The following MKLN1 variants were observed in gnomAD, a reference collection of about 807,000 sequenced individuals.
MKLN1 encodes muskelin.
A neutral mutation model predicts 99.0 loss-of-function variants in MKLN1; 18 were observed. The ratio of observed to expected loss-of-function variants is 0.18; its 90% CI spans 0.13 to 0.27. MKLN1 has a LOEUF of 0.27. Ranked by LOEUF, MKLN1 falls within the 10% of genes least tolerant of loss-of-function variation. MKLN1 has a pLI of 1.00. For synonymous variants in MKLN1, 288 were observed against 293.2 expected (o/e 0.98, Z 0.18); for missense variants, 621 against 875.9 (o/e 0.71, Z 3.67).
chr7:131,422,250 CA>C (rs1225051672), intron 8 of MKLN1, among the ~76,000 whole-genome samples: 2 of 152,084 alleles, frequency 1.3e-5, no homozygotes, highest in Non-Finnish European at 2.9e-5. Context: ...TACTAACTCA[CA>C]AAATTAAGAA....
At chr7:131,420,297 G>T (rs907101349) in intron 8 of MKLN1, among the ~76,000 whole-genome samples, 1 of 151,936 alleles carries the variant, frequency 6.6e-6, no homozygotes, top group Non-Finnish European at 1.5e-5. Context: ...GAGAGGGGGA[G>T]CACATGGTGG....
At chr7:131,485,896 G>A (rs1237925574) in intron 17 of MKLN1, among the ~76,000 whole-genome samples, 1 of 152,022 alleles carries the variant, frequency 6.6e-6, no homozygotes. Flanking sequence ...AAACATGACT[G>A]TAAAAAAGTG....
At chr7:131,117,880 T>C (rs946866694) in intron 1 of MKLN1, among the ~76,000 whole-genome samples, 1 of 152,218 alleles carries the variant, frequency 6.6e-6, no homozygotes, top group African/African-American at 2.4e-5. Context: ...CATAGTTGAC[T>C]TCTCTCCCAA....
chr7:131,308,261 G>GTTTTT (rs35421090), intron 3 of MKLN1, among the ~76,000 whole-genome samples: 1 of 132,530 alleles, frequency 7.5e-6, no homozygotes, highest in African/African-American at 2.8e-5. Context: ...GTCTCACGTA[G>GTTTTT]TTTTTTTTTT....
chr7:131,114,072 T>A (rs1795238384), intron 1 of MKLN1, among the ~76,000 whole-genome samples: 1 of 152,192 alleles, frequency 6.6e-6, no homozygotes, highest in South Asian at 2.1e-4. Flanking sequence ...ATGATGCATG[T>A]CTAAACTAAG....
intron 1 of MKLN1, among the ~76,000 whole-genome samples, chr7:131,366,955 G>C (rs1251375154): frequency 6.6e-6 from 1 of 152,134 alleles, no homozygotes; most frequent in South Asian, 2.1e-4. Context: ...ATGGTGAATT[G>C]TAATCGTTTG....
chr7:131,145,436 A>G (rs899709770), intron 2 of MKLN1, among the ~76,000 whole-genome samples: 4 of 152,202 alleles, frequency 2.6e-5, no homozygotes, highest in African/African-American at 7.2e-5. Context: ...ATAGAAATGT[A>G]ACGTTCGAGA....
chr7:131,336,632 A>G (rs961802955), intron 1 of MKLN1, among the ~76,000 whole-genome samples: 1 of 152,136 alleles, frequency 6.6e-6, no homozygotes, highest in African/African-American at 2.4e-5. Context: ...GATCACCACA[A>G]GCTTTCTTGT....
chr7:131,213,102 TG>T (rs1396095514), intron 3 of MKLN1, among the ~76,000 whole-genome samples: 1 of 152,140 alleles, frequency 6.6e-6, no homozygotes, highest in Non-Finnish European at 1.5e-5. Flanking sequence ...ATCTGGAAGT[TG>T]CAATACGTGA....
intron 2 of MKLN1, among the ~76,000 whole-genome samples, chr7:131,176,763 G>A (rs1361788123): frequency 1.3e-5 from 2 of 152,214 alleles, no homozygotes; most frequent in African/African-American, 4.8e-5. Flanking sequence ...TTCTTTTGGT[G>A]CTCTTGAATT....
chr7:131,241,376 TA>T (rs77231529), intron 3 of MKLN1, among the ~76,000 whole-genome samples: 86,136 of 125,092 alleles, frequency 0.69, 27,757 homozygotes, highest in Admixed American at 0.75. Flanking sequence ...AGACTCTGTC[TA>T]AAAAAAAAAA....
chr7:131,179,082 CTT>C (rs1796342470), intron 2 of MKLN1, among the ~76,000 whole-genome samples: 1 of 152,084 alleles, frequency 6.6e-6, no homozygotes, highest in Non-Finnish European at 1.5e-5. Context: ...AAATACCTTT[CTT>C]GACTGAATAA....
chr7:131,450,476 A>C (rs933968288), intron 12 of MKLN1, among the ~76,000 whole-genome samples: 35 of 152,166 alleles, frequency 2.3e-4, no homozygotes, highest in African/African-American at 8.4e-4. Flanking sequence ...AAATCTTTTA[A>C]TGGTTTCTCC....
intron 7 of MKLN1, among the ~76,000 whole-genome samples, chr7:131,414,288 T>C (rs1794956065): frequency 6.6e-6 from 1 of 152,140 alleles, no homozygotes; most frequent in Non-Finnish European, 1.5e-5. Flanking sequence ...ATACGGGAGA[T>C]CTAATTTTGT....
intron 12 of MKLN1, among the ~76,000 whole-genome samples, chr7:131,452,743 G>C (rs1796220258): frequency 6.6e-6 from 1 of 152,006 alleles, no homozygotes; most frequent in East Asian, 1.9e-4. Context: ...TAGAGACGGG[G>C]TTTCATCATG....
At chr7:131,189,060 G>C (rs999482262) in intron 2 of MKLN1, among the ~76,000 whole-genome samples, 1 of 152,178 alleles carries the variant, frequency 6.6e-6, no homozygotes, top group African/African-American at 2.4e-5. Flanking sequence ...ATCAGACTCA[G>C]TTTTAATGGG....
intron 10 of MKLN1, among the ~76,000 whole-genome samples, chr7:131,440,856 A>G (rs1284562844): frequency 6.6e-6 from 1 of 152,182 alleles, no homozygotes. Flanking sequence ...ATTCAGAAAA[A>G]GTTGACCCAA....
At chr7:131,382,851 G>A (rs918513345) in intron 2 of MKLN1, among the ~76,000 whole-genome samples, 2 of 151,898 alleles carry the variant, frequency 1.3e-5, no homozygotes, top group African/African-American at 4.8e-5. Context: ...AGCCTCCCGA[G>A]TAGCTGGGAC....
intron 1 of MKLN1, among the ~76,000 whole-genome samples, chr7:131,328,619 G>A (rs1798969653): frequency 6.6e-6 from 1 of 152,192 alleles, no homozygotes; most frequent in African/African-American, 2.4e-5. Flanking sequence ...GAAAAAGATA[G>A]GGAGTGGGAA....
Sources: gnomAD v4.1 joint callset for allele counts (sites outside exome capture counted in the v4.1 genomes callset) on GRCh38, gnomAD v4.1.1 for gene constraint, MANE v1.5 for transcripts, NCBI Gene and HGNC (gene_info 2026-07-23, HGNC 2026-07-21) for gene names.